ADGRG1: variants seen among roughly 807,000 people sequenced by gnomAD.
The protein encoded by ADGRG1 is 7-transmembrane protein with no EGF-like N-terminal domains-1.
ADGRG1 carries 53 observed loss-of-function variants against 73.5 expected under a neutral mutation model. That is an observed-to-expected ratio of 0.72 (90% CI 0.58 to 0.91). The LOEUF (loss-of-function observed/expected upper bound fraction) is 0.91. Ranked by LOEUF, ADGRG1 falls within the 40% of genes least tolerant of loss-of-function variation. ADGRG1 has a pLI of 0.00. For missense variants in ADGRG1, 795 were observed against 871.8 expected, an observed-to-expected ratio of 0.91 and a Z score of 1.11; for synonymous variants, 394 against 374.4, an observed-to-expected ratio of 1.05 and a Z score of -0.60.
intron 1 of ADGRG1, chr16:57,629,868 G>T (rs2147222787): frequency 4.1e-6 from 1 of 241,610 alleles, no homozygotes; most frequent in South Asian, 1.5e-4. Context: ...TCCCCTGCGT[G>T]GTAGAGTTGG....
At chr16:57,628,490 C>G (rs541630722), upstream of ADGRG1, 25 of 985,046 alleles carry the variant, frequency 2.5e-5, no homozygotes, top group East Asian at 1.1e-4. Context: ...AGCCCTGCCC[C>G]CTCCTGGTCT....
chr16:57,630,606 C>T (rs2037563524), intron 1 of ADGRG1: 1 of 834,032 alleles, frequency 1.2e-6, no homozygotes, highest in Admixed American at 6.2e-5. Context: ...GCCTGGGCCA[C>T]TGGGCAAGGG....
At position 57,663,387 on chromosome 16, in the gene ADGRG1, G is replaced by A. The variant is rs879914308; in HGVS notation, c.1934-65G>A. ...GCAGACCCGAGTCACAATGGCTGGG[G>A]AGGGAGGAGGAGGGATGGGGTGGGG... On this transcript the variant is annotated intron_variant, in intron 13 of 13. Transcript: ENST00000562631. 199 of 1,602,162 alleles carry A rather than the reference G, an allele frequency of 1.2e-4. 1 individual carries two copies. The East Asian group carries it at 4.4e-3, about 35-fold the overall frequency.
At position 57,645,489 on chromosome 16, in the gene ADGRG1, G is replaced by A. The variant is rs568742417; in HGVS notation, c.-35-4764G>A. On this transcript the variant is annotated intron_variant, in intron 1 of 13. Coordinates refer to ENST00000562631, the MANE Select transcript of ADGRG1 (RefSeq NM_201525.4). ...GAGCCTGATGGGTCTGCGTCACAGG[G>A]CAGGGAAGAGAGTGCTGGAACGCAG... 9 of 257,808 alleles carry A rather than the reference G, an allele frequency of 3.5e-5. No homozygotes were observed. In the Admixed American group the frequency reaches 4.5e-4, roughly 13 times the overall value. The allele number at this position is 257,808 out of a possible 1,614,324, so 16.0% of individuals were successfully genotyped here. A position where few individuals can be genotyped will look rare whatever the true frequency, so the allele number is the denominator to read the frequency against.
chr16:57,662,328 G>A (rs2047352030), intron 13 of ADGRG1, among the ~76,000 whole-genome samples: 1 of 152,118 alleles, frequency 6.6e-6, no homozygotes, highest in Non-Finnish European at 1.5e-5. Context: ...GCTGGGGTGG[G>A]GGACACCCTA....
Position 57,663,804 on chromosome 16 carries a change from T to G in ADGRG1, c.*222T>G. ...GGCTCTCACTCAGCTCCCACGGGACTCAGAAGTGCGCCGCCATGCTGCCTA... is the reference window on the plus strand; with the variant it reads ...GGCTCTCACTCAGCTCCCACGGGACGCAGAAGTGCGCCGCCATGCTGCCTA... On this transcript the variant is annotated 3_prime_UTR_variant, in exon 14 of 14. Transcript: ENST00000562631. 1 of 606,316 alleles carries G rather than the reference T, an allele frequency of 1.6e-6. No homozygotes were observed. The highest frequency in any genetic ancestry group is 1.9e-5 in the South Asian group (1 of 52,100). The allele number at this position is 606,316 out of a possible 1,614,324, so 37.6% of individuals were successfully genotyped here. A position where few individuals can be genotyped will look rare whatever the true frequency, so the allele number is the denominator to read the frequency against.
chr16:57,656,336 G>A, intron 8 of ADGRG1, 65 bp downstream of exon 8: 2 of 1,610,228 alleles, frequency 1.2e-6, no homozygotes, highest in South Asian at 2.2e-5. Context: ...CTGGGGGGTG[G>A]GGGAGGTGGG....
chr16:57,651,826 C>G (rs1227230786), intron 3 of ADGRG1: 1 of 1,460,808 alleles, frequency 6.8e-7, no homozygotes, highest in African/African-American at 1.4e-5. Flanking sequence ...CTGCGCTCGG[C>G]CCCACTGTCC....
At chr16:57,639,422 C>T in intron 1 of ADGRG1, 1 of 985,366 alleles carries the variant, frequency 1.0e-6, no homozygotes, top group East Asian at 1.1e-4. Flanking sequence ...CACCTGCGCC[C>T]CTTCTCCCGC....
At chr16:57,646,366 T>TTGGGGGGGGGGGG in intron 1 of ADGRG1, 1 of 707,626 alleles carries the variant, frequency 1.4e-6, no homozygotes, top group Non-Finnish European at 1.7e-6. Flanking sequence ...GGGCTGGTGG[T>TTGGGGGGGGGGGG]GGGGTGGGGG....
upstream of ADGRG1, among the ~76,000 whole-genome samples, chr16:57,625,165 G>T (rs1329180630): frequency 2.0e-5 from 3 of 152,148 alleles, no homozygotes; most frequent in South Asian, 6.2e-4. Context: ...TCTGGACTCC[G>T]TCGCCAGCCA....
At chr16:57,632,775 C>T in intron 1 of ADGRG1, 1 of 984,992 alleles carries the variant, frequency 1.0e-6, no homozygotes, top group South Asian at 4.7e-5. Context: ...CCCGGAGGAG[C>T]TGGCATGCTT....
At chr16:57,628,996 G>A (rs895735864) in intron 1 of ADGRG1, 194 bp downstream of exon 1, 1 of 499,274 alleles carries the variant, frequency 2.0e-6, no homozygotes, top group African/African-American at 2.3e-5. Flanking sequence ...GAGAATGTGA[G>A]TGTGAGTGTG....
chr16:57,632,819 T>TGGGAGATGGCCTGGCGGTG, intron 1 of ADGRG1: 2 of 985,430 alleles, frequency 2.0e-6, no homozygotes, highest in Non-Finnish European at 2.4e-6. Context: ...TCTGCATTAG[T>TGGGAGATGGCCTGGCGGTG]GGGAGATGGC....
Position 57,657,402 on chromosome 16 carries a change from C to G in ADGRG1, c.1197C>G (p.His399Gln). Reference protein sequence around the residue: ...MVSSVEVDAVHKHYLSLLSYV... With the variant: ...MVSSVEVDAVQKHYLSLLSYV... ...CCTCGGTGGAGGTGGACGCCGTGCACAAGCACTACCTGAGCCTCCTCTCCT... is the reference window on the plus strand; with the variant it reads ...CCTCGGTGGAGGTGGACGCCGTGCAGAAGCACTACCTGAGCCTCCTCTCCT... The change falls in exon 10 of 14, where the codon CAC becomes CAG. Residue 399 changes from histidine (H) to glutamine (Q), a missense_variant. By Grantham distance (24) the His-to-Gln change is conservative. Transcript: ENST00000562631. 6.2e-7 allele frequency: 1 copy of G among 1,614,078 alleles called. No individual in the cohort carries two copies. The highest frequency in any genetic ancestry group is 8.5e-7 in the Non-Finnish European group (1 of 1,179,946).
At chr16:57,654,416 C>T (rs1253166745) in intron 5 of ADGRG1, among the ~76,000 whole-genome samples, 1 of 135,340 alleles carries the variant, frequency 7.4e-6, no homozygotes, top group Non-Finnish European at 1.6e-5. Context: ...CGCACCCCCC[C>T]CCCCCGTTTT....
upstream of ADGRG1, chr16:57,622,942 T>G (rs1461449327): frequency 1.0e-6 from 1 of 985,244 alleles, no homozygotes; most frequent in Non-Finnish European, 1.2e-6. Context: ...AGGGTGACCC[T>G]GGGGGAGGGA....
At position 57,660,839 on chromosome 16, in the gene ADGRG1, G is replaced by A; in HGVS notation, c.1627G>A (p.Val543Met). The change falls in exon 12 of 14, where the codon GTG becomes ATG. Residue 543 changes from valine to methionine, a missense_variant. Val to Met is a conservative substitution (Grantham distance 21). Transcript: ENST00000562631. Reference protein sequence around the residue: ...VDNYGPIILAVHRTPEGVIYP... With the variant: ...VDNYGPIILAMHRTPEGVIYP... Reference sequence around the variant, plus strand: ...CAACTATGGCCCCATCATCTTGGCTGTGCATAGGACTCCAGAGGGCGTCAT... The same window carrying A: ...CAACTATGGCCCCATCATCTTGGCTATGCATAGGACTCCAGAGGGCGTCAT... 1 of 1,610,970 alleles carries A rather than the reference G, an allele frequency of 6.2e-7. No homozygotes were observed. The highest frequency in any genetic ancestry group is 8.5e-7 in the Non-Finnish European group (1 of 1,177,168).
chr16:57,635,815 G>A (rs751835860), intron 1 of ADGRG1: 106 of 985,238 alleles, frequency 1.1e-4, no homozygotes, highest in Non-Finnish European at 1.2e-4. Flanking sequence ...CCAGTTTTAC[G>A]AGCTCTGTGT....
Sources: allele counts gnomAD v4.1 joint callset (sites outside exome capture counted in the v4.1 genomes callset), GRCh38; gene constraint gnomAD v4.1.1; transcripts MANE v1.5; gene names NCBI Gene and HGNC (gene_info 2026-07-23, HGNC 2026-07-21).